CDH8: variants seen among roughly 807,000 people sequenced by gnomAD.
The protein encoded by CDH8 is cadherin 8.
CDH8 carries 17 observed loss-of-function variants against 68.1 expected under a neutral mutation model. The observed-to-expected ratio is 0.25, with a 90% CI of 0.17 to 0.37. The LOEUF (loss-of-function observed/expected upper bound fraction) is 0.37. Ranked by LOEUF, CDH8 falls within the 10% of genes least tolerant of loss-of-function variation. The pLI is 1.00. For missense variants in CDH8, 763 were observed against 999.3 expected (o/e 0.76, Z 3.19); for synonymous variants, 372 against 365.1 (o/e 1.02, Z -0.21).
intron 2 of CDH8, among the ~76,000 whole-genome samples, chr16:61,937,601 A>G (rs1037001900): frequency 2.0e-5 from 3 of 152,194 alleles, no homozygotes; most frequent in Non-Finnish European, 4.4e-5. Context: ...TTTTCACAGA[A>G]TAAAACAATC....
chr16:61,926,489 G>A (rs1964458988), intron 2 of CDH8, among the ~76,000 whole-genome samples: 1 of 152,072 alleles, frequency 6.6e-6, no homozygotes, highest in Non-Finnish European at 1.5e-5. Flanking sequence ...TTTTTCTAAA[G>A]GGTCAGCTCC....
At chr16:61,830,165 T>C (rs530749365) in intron 4 of CDH8, among the ~76,000 whole-genome samples, 1 of 151,876 alleles carries the variant, frequency 6.6e-6, no homozygotes, top group African/African-American at 2.4e-5. Context: ...AAAAGAAATG[T>C]GTTTGATGAG....
chr16:61,874,231 G>C (rs910250290), intron 3 of CDH8, among the ~76,000 whole-genome samples: 4 of 152,122 alleles, frequency 2.6e-5, no homozygotes, highest in African/African-American at 9.7e-5. Flanking sequence ...TTTTAAAAAA[G>C]AGTCTTGAGC....
intron 7 of CDH8, among the ~76,000 whole-genome samples, chr16:61,795,862 T>C (rs1470420244): frequency 6.6e-6 from 1 of 152,138 alleles, no homozygotes; most frequent in East Asian, 1.9e-4. Flanking sequence ...AGCTATATCA[T>C]GTTTCCTTGC....
At chr16:61,836,370 G>C (rs1962569103) in intron 4 of CDH8, among the ~76,000 whole-genome samples, 1 of 151,914 alleles carries the variant, frequency 6.6e-6, no homozygotes, top group South Asian at 2.1e-4. Flanking sequence ...GCCACATGAA[G>C]ACAGCACTTA....
rs117641118 is a variant in CDH8, at chr16:61,867,825, T to C, written c.548-10587A>G. ...CCTCTTCTGAACTCTCAAAATACTT[T>C]ACTTGATTGTCTCTAGGGGCACCTT... On this transcript the variant is annotated intron_variant, in intron 3 of 11. Transcript: ENST00000577390. 8.6e-3 allele frequency among the ~76,000 whole-genome samples: 1,307 copies of C among 152,292 alleles called. 6 individuals are homozygous for C. The highest frequency in any genetic ancestry group is 0.014 in the Non-Finnish European group (925 of 68,008).
chr16:61,686,266 T>C, intron 10 of CDH8, among the ~76,000 whole-genome samples: 1 of 152,012 alleles, frequency 6.6e-6, no homozygotes, highest in Admixed American at 6.6e-5. Flanking sequence ...CTTACTCTAT[T>C]TTCATAGCAG....
intron 8 of CDH8, among the ~76,000 whole-genome samples, chr16:61,782,236 C>A (rs903350749): frequency 6.6e-6 from 1 of 152,068 alleles, no homozygotes; most frequent in Non-Finnish European, 1.5e-5. Flanking sequence ...GTGCGCGCAC[C>A]GTCCGCGAGC....
chr16:62,001,738 G>C (rs1036894809), intron 2 of CDH8, among the ~76,000 whole-genome samples: 2 of 152,094 alleles, frequency 1.3e-5, no homozygotes, highest in Non-Finnish European at 2.9e-5. Context: ...AGGTACGTAT[G>C]TATACATGTG....
At chr16:61,782,219 C>T (rs888328602) in intron 8 of CDH8, among the ~76,000 whole-genome samples, 40 of 152,216 alleles carry the variant, frequency 2.6e-4, no homozygotes, top group African/African-American at 7.7e-4. Context: ...TGGGCGCAGG[C>T]CAGTGGGTGC....
intron 5 of CDH8, among the ~76,000 whole-genome samples, chr16:61,824,011 A>G (rs1318934969): frequency 6.6e-6 from 1 of 151,960 alleles, no homozygotes; most frequent in Non-Finnish European, 1.5e-5. Context: ...TAGCAAAGAA[A>G]TGGACATCAC....
rs1567546310 is a variant in CDH8, at chr16:61,960,258, T to TACATATATACATGTGTGTGTGTATACAC, written c.253-58786_253-58785insGTGTATACACACACACATGTATATATGT. The stretch of plus-strand genomic sequence containing the variant: ...ATATACATGTGTGTGTGTATACACA[T>TACATATATACATGTGTGTGTGTATACAC]ACATATATACGTGTGTGTGTATACA... On this transcript the variant is annotated intron_variant, in intron 2 of 11. Coordinates refer to ENST00000577390, the MANE Select transcript of CDH8 (RefSeq NM_001796.5). Among the ~76,000 whole-genome samples the TACATATATACATGTGTGTGTGTATACAC allele has an allele frequency of 1.9e-4, 10 of 51,830 alleles. 2 individuals carry two copies. The highest frequency in any genetic ancestry group is 5.2e-4 in the African/African-American group (4 of 7,694). 34.0% of individuals were successfully genotyped at this position (51,830 alleles called of 152,430 possible). A position where few individuals can be genotyped will look rare whatever the true frequency, so the allele number is the denominator to read the frequency against.
intron 2 of CDH8, among the ~76,000 whole-genome samples, chr16:61,982,578 T>A (rs1214653873): frequency 6.6e-6 from 1 of 152,196 alleles, no homozygotes; most frequent in Non-Finnish European, 1.5e-5. Flanking sequence ...AAGGGATGAA[T>A]AATAATACCC....
intron 10 of CDH8, among the ~76,000 whole-genome samples, chr16:61,708,131 T>C (rs1316902885): frequency 1.1e-4 from 16 of 152,274 alleles, no homozygotes; most frequent in Non-Finnish European, 4.4e-5. Context: ...TTTTGTTTTT[T>C]GATTATTATT....
chr16:61,737,160 T>C (rs547111801), intron 8 of CDH8, among the ~76,000 whole-genome samples: 40 of 152,310 alleles, frequency 2.6e-4, no homozygotes, highest in African/African-American at 8.2e-4. Flanking sequence ...TCTAAGTTAC[T>C]TGGGAATTTG....
intron 2 of CDH8, among the ~76,000 whole-genome samples, chr16:61,991,300 G>A (rs117195643): frequency 0.013 from 1,932 of 152,252 alleles, 17 homozygotes; most frequent in Non-Finnish European, 0.022. Context: ...AGGCACTTTT[G>A]TGTGCTCTGT....
At chr16:61,896,969 G>A (rs988176431) in intron 3 of CDH8, among the ~76,000 whole-genome samples, 1 of 151,638 alleles carries the variant, frequency 6.6e-6, no homozygotes, top group African/African-American at 2.4e-5. Flanking sequence ...ATAAGGGATA[G>A]AACCAGGGTT....
At chr16:61,981,735 G>C in intron 2 of CDH8, among the ~76,000 whole-genome samples, 1 of 152,058 alleles carries the variant, frequency 6.6e-6, no homozygotes, top group Middle Eastern at 3.4e-3. Flanking sequence ...GGGATTCCTG[G>C]CAGATGTGGG....
chr16:61,793,017 T>A (rs1457496269), intron 7 of CDH8, among the ~76,000 whole-genome samples: 2 of 151,962 alleles, frequency 1.3e-5, no homozygotes, highest in Non-Finnish European at 2.9e-5. Context: ...GTGATCGTAT[T>A]AGAAGGTGGG....
Sources: allele counts gnomAD v4.1 joint callset (sites outside exome capture counted in the v4.1 genomes callset), GRCh38; gene constraint gnomAD v4.1.1; transcripts MANE v1.5; gene names NCBI Gene and HGNC (gene_info 2026-07-23, HGNC 2026-07-21).